The following PCDHGA7 variants were observed in gnomAD, a reference collection of about 807,000 sequenced individuals.
PCDHGA7 encodes protocadherin gamma subfamily A, 7, also known as protocadherin gamma-A7.
In PCDHGA7, 44 loss-of-function variants were observed where a neutral mutation model predicts 58.3. The observed-to-expected ratio is 0.75, with a 90% CI of 0.59 to 0.97. The LOEUF (loss-of-function observed/expected upper bound fraction) is 0.97. Among genes scored for constraint, PCDHGA7 ranks in the 50% least tolerant of loss-of-function variants. The probability of loss-of-function intolerance (pLI) is 0.00; values close to 1 mark genes in which losing one functional copy is unlikely to be tolerated. For synonymous variants in PCDHGA7, 516 were observed against 504.2 expected (o/e 1.02, Z -0.31); for missense variants, 1,266 against 1,188.7 (o/e 1.06, Z -0.96).
intron 1 of PCDHGA7, chr5:141,419,090 G>T: frequency 6.2e-7 from 1 of 1,613,922 alleles, no homozygotes; most frequent in Non-Finnish European, 8.5e-7. Flanking sequence ...TGAGGCCCTG[G>T]ATCGGGAGCA....
rs373421472 is a variant in PCDHGA7, at chr5:141,472,201, A to G, written c.2425-22606A>G. ...GTATTGGAATTTGAATCTTTTTGAC[A>G]CTAAGACCTTACTCTCGATCATATA... is the stretch of plus-strand genomic sequence containing the variant. On this transcript the variant is annotated intron_variant, in intron 1 of 3. Coordinates refer to ENST00000518325, the MANE Select transcript of PCDHGA7 (RefSeq NM_018920.4). Among the ~76,000 whole-genome samples the G allele has an allele frequency of 5.6e-4, 86 of 152,320 alleles. 2 individuals are homozygous for G. The South Asian group carries it at 0.017, about 30-fold the overall frequency.
At chr5:141,393,224 T>C in intron 1 of PCDHGA7, 1 of 1,613,670 alleles carries the variant, frequency 6.2e-7, no homozygotes, top group South Asian at 1.1e-5. Flanking sequence ...AGGTCGAAGA[T>C]CTAGAAGTAA....
chr5:141,453,201 C>T (rs115660512), intron 1 of PCDHGA7, among the ~76,000 whole-genome samples: 2,052 of 152,204 alleles, frequency 0.013, 46 homozygotes, highest in African/African-American at 0.048. Flanking sequence ...GCAGCCTCAA[C>T]CTCGTGCACT....
chr5:141,435,922 G>A (rs1312886163), intron 1 of PCDHGA7, among the ~76,000 whole-genome samples: 1 of 152,070 alleles, frequency 6.6e-6, no homozygotes, highest in Non-Finnish European at 1.5e-5. Context: ...TCTAAAATGC[G>A]GCAGTTGCTG....
chr5:141,388,809 G>A lies in PCDHGA7; in HGVS notation c.2424+3486G>A, dbSNP rs771582173. The A allele has an allele frequency of 1.2e-6, 2 of 1,613,930 alleles. No individual in the cohort carries two copies. Among genetic ancestry groups the A allele is most frequent in the Non-Finnish European group, 1.7e-6 (2 of 1,179,838 alleles). ...TGTTTTAAATACATTAGATTTTGAA[G>A]AAGTCAAAGAATATTCCATAGTTTT... is the stretch of plus-strand genomic sequence containing the variant. On this transcript the variant is annotated intron_variant, in intron 1 of 3. Transcript: ENST00000518325.
intron 1 of PCDHGA7, chr5:141,422,812 T>C: frequency 6.2e-7 from 1 of 1,614,206 alleles, no homozygotes; most frequent in South Asian, 1.1e-5. Context: ...GTTTCGAGAC[T>C]TAGAACTGAG....
chr5:141,475,008 T>C (rs1292437400), intron 1 of PCDHGA7, among the ~76,000 whole-genome samples: 1 of 152,258 alleles, frequency 6.6e-6, no homozygotes, highest in Admixed American at 6.5e-5. Flanking sequence ...TGCAGAAAAG[T>C]TAAGGCTCTT....
chr5:141,415,980 T>C, intron 1 of PCDHGA7: 1 of 348,656 alleles, frequency 2.9e-6, no homozygotes, highest in Non-Finnish European at 4.8e-6. Context: ...TAAGCAACCC[T>C]CTTGTTCTGA....
In PCDHGA7 at chr5:141,404,090, G is replaced by T. The variant is rs1014506897; in HGVS notation, c.2424+18767G>T. On this transcript the variant is annotated intron_variant, in intron 1 of 3. Transcript: ENST00000518325. ...TCATGACCGAGACTCCGGGAAGAATGGTCAAGTTGTCTGTTCTATCCAGGA... is the reference window on the plus strand; with the variant it reads ...TCATGACCGAGACTCCGGGAAGAATTGTCAAGTTGTCTGTTCTATCCAGGA... 4 of 1,613,262 alleles carry T rather than the reference G, an allele frequency of 2.5e-6. No homozygotes were observed. In the Admixed American group the frequency reaches 6.7e-5, roughly 27 times the overall value.
chr5:141,412,592 C>T (rs1472116158), intron 1 of PCDHGA7: 1 of 152,048 alleles, frequency 6.6e-6, no homozygotes, highest in African/African-American at 2.4e-5. Context: ...TGAATGTATA[C>T]TAAATAAAAT....
chr5:141,489,077 C>G lies in PCDHGA7; in HGVS notation c.2425-5730C>G, dbSNP rs957205894. On this transcript the variant is annotated intron_variant, in intron 1 of 3. Coordinates refer to ENST00000518325, the MANE Select transcript of PCDHGA7 (RefSeq NM_018920.4). The surrounding 1 kb of genome is among the most constrained non-coding windows in gnomAD (Gnocchi z 4.5). The stretch of plus-strand genomic sequence containing the variant: ...AGCTCCCCTCCCCCCTGCCCACCCC[C>G]GCCACTCGGTGACTAAGAACTGCTG... 7 of 325,684 alleles carry G rather than the reference C, an allele frequency of 2.1e-5. No homozygotes were observed. Among genetic ancestry groups the G allele is most frequent in the Non-Finnish European group, 3.9e-5 (7 of 181,468 alleles). The allele number at this position is 325,684 out of a possible 1,614,324, so 20.2% of individuals were successfully genotyped here.
At chr5:141,405,027 A>G (rs1402992376) in intron 1 of PCDHGA7, 1 of 1,613,252 alleles carries the variant, frequency 6.2e-7, no homozygotes, top group Non-Finnish European at 8.5e-7. Context: ...CTTACCCTCT[A>G]CCTCGTTGTG....
chr5:141,484,530 A>G (rs1406516272), intron 1 of PCDHGA7, among the ~76,000 whole-genome samples: 1 of 152,200 alleles, frequency 6.6e-6, no homozygotes, highest in East Asian at 1.9e-4. Context: ...TTTTGAGTAT[A>G]TGGCAGTGGT....
chr5:141,434,106 T>C (rs1195019110), intron 1 of PCDHGA7, among the ~76,000 whole-genome samples: 1 of 152,236 alleles, frequency 6.6e-6, no homozygotes, highest in Non-Finnish European at 1.5e-5. Context: ...TGTCCCAGGA[T>C]TGGCCTTTGG....
At chr5:141,408,765 G>A (rs1276364659) in intron 1 of PCDHGA7, 1 of 1,611,036 alleles carries the variant, frequency 6.2e-7, no homozygotes, top group East Asian at 2.2e-5. Context: ...AATTCCGATG[G>A]TGGCAAATAC....
chr5:141,467,811 A>T (rs562932160), intron 1 of PCDHGA7, among the ~76,000 whole-genome samples: 1 of 152,164 alleles, frequency 6.6e-6, no homozygotes, highest in African/African-American at 2.4e-5. Flanking sequence ...GGCACATGCC[A>T]CCACACCAGG....
chr5:141,428,320 T>C (rs2097132935), intron 1 of PCDHGA7: 2 of 650,176 alleles, frequency 3.1e-6, no homozygotes, highest in Admixed American at 2.2e-5. Context: ...GGCCTTGGCC[T>C]TGATTTCTAT....
At chr5:141,474,002 G>A (rs1020912365) in intron 1 of PCDHGA7, among the ~76,000 whole-genome samples, 5 of 152,078 alleles carry the variant, frequency 3.3e-5, no homozygotes, top group Non-Finnish European at 5.9e-5. Context: ...CCAAGGAGCT[G>A]GAAGTTACAG....
chr5:141,389,205 G>A, intron 1 of PCDHGA7: 1 of 1,614,040 alleles, frequency 6.2e-7, no homozygotes, highest in Non-Finnish European at 8.5e-7. Flanking sequence ...CCTGCACATT[G>A]GTGATGTAAA....
Sources: gnomAD v4.1 joint callset for allele counts (sites outside exome capture counted in the v4.1 genomes callset) on GRCh38, gnomAD v4.1.1 for gene constraint, Gnocchi (gnomAD v3.1) non-coding constraint, MANE v1.5 for transcripts, NCBI Gene and HGNC (gene_info 2026-07-23, HGNC 2026-07-21) for gene names.